The following EI24 variants were observed in gnomAD, a reference collection of about 807,000 sequenced individuals.
EI24 encodes EI24 autophagy associated transmembrane protein, also known as etoposide-induced protein 2.4 homolog.
Under a neutral mutation model 48.6 loss-of-function variants are expected in EI24, and 21 were observed. The observed-to-expected ratio is 0.43, with a 90% CI of 0.31 to 0.62. The LOEUF (loss-of-function observed/expected upper bound fraction) is 0.62. Among genes scored for constraint, EI24 ranks in the 20% least tolerant of loss-of-function variants. The pLI is 0.10. For missense variants in EI24, 280 were observed against 410.5 expected, an observed-to-expected ratio of 0.68 and a Z score of 2.75; for synonymous variants, 114 against 145.5, an observed-to-expected ratio of 0.78 and a Z score of 1.56.
intron 2 of EI24, among the ~76,000 whole-genome samples, chr11:125,574,221 C>T (rs1436170697): frequency 6.6e-6 from 1 of 151,706 alleles, no homozygotes; most frequent in African/African-American, 2.4e-5. Flanking sequence ...CCACTGCACT[C>T]CAGCCTGGGC....
intron 8 of EI24, among the ~76,000 whole-genome samples, 164 bp downstream of exon 8, chr11:125,580,368 C>T (rs1255762368): frequency 2.6e-5 from 4 of 152,210 alleles, no homozygotes; most frequent in African/African-American, 9.6e-5. Context: ...GTGGGTTTAA[C>T]TCTCAACTTT....
chr11:125,583,605 G>A lies in EI24; in HGVS notation c.945G>A (p.Leu315=). 6.2e-7 allele frequency: 1 copy of A among 1,613,240 alleles called. No homozygotes were observed. Among genetic ancestry groups the A allele is most frequent in the South Asian group, 1.1e-5 (1 of 91,006 alleles). ...FHKTVYLQSA[L]SSSTSAEKFP... ...AGACAGTCTACCTGCAGTCGGCCCT[G>A]AGCAGCTCTACTTCTGCAGAGAAGT... Residue 315 remains leucine, a synonymous_variant, in exon 11 of 11, where the codon CTG becomes CTA. Coordinates refer to ENST00000278903, the MANE Select transcript of EI24 (RefSeq NM_004879.5).
At chr11:125,575,951 G>A in intron 3 of EI24, 1 of 383,518 alleles carries the variant, frequency 2.6e-6, no homozygotes, top group South Asian at 2.1e-5. Flanking sequence ...ACCACGCCTG[G>A]CTAATTTTTT....
chr11:125,581,401 C>G, intron 9 of EI24, 79 bp downstream of exon 9: 1 of 857,080 alleles, frequency 1.2e-6, no homozygotes, highest in Non-Finnish European at 1.8e-6. Context: ...TTGCTTCGTT[C>G]TGTTTCGCAT....
intron 6 of EI24, among the ~76,000 whole-genome samples, chr11:125,578,480 C>CTTTTTTTTTTTTTT (rs370986926): frequency 1.5e-4 from 13 of 84,694 alleles, no homozygotes; most frequent in Non-Finnish European, 1.7e-4. Context: ...TTCGTTTTGG[C>CTTTTTTTTTTTTTT]TTTTTTTTTT....
chr11:125,575,151 C>T, intron 2 of EI24, 112 bp from the exon 3 acceptor site: 1 of 956,522 alleles, frequency 1.0e-6, no homozygotes, highest in Non-Finnish European at 1.5e-6. Context: ...CATTTGAACC[C>T]AGGAGTTGGA....
At chr11:125,577,673 C>T in intron 5 of EI24, 103 bp downstream of exon 5, 1 of 969,364 alleles carries the variant, frequency 1.0e-6, no homozygotes, top group Non-Finnish European at 1.5e-6. Flanking sequence ...GGAGCTTTCA[C>T]TGTTTATTTT....
rs1418744446 is a variant in EI24 at position 125,581,220 on chromosome 11, T to G, written c.683T>G (p.Met228Arg). ...GGCTTTCTTGTTTTAGGAATTGAAA[T>G]GCACCAGCGGTTGTCTAACATAGAA... ...EYRWFNKGIE[M>R]HQRLSNIERN... The change falls in exon 9 of 11, where the codon ATG becomes AGG. Residue 228 changes from methionine (M) to arginine (R), a missense_variant. Transcript: ENST00000278903. 6.2e-7 allele frequency: 1 copy of G among 1,609,770 alleles called. No homozygotes were observed.
chr11:125,570,484 A>ATTTATCCT (rs1748469198), intron 1 of EI24: 2 of 152,182 alleles, frequency 1.3e-5, no homozygotes, highest in Non-Finnish European at 2.9e-5. Flanking sequence ...AAGTGAAGTG[A>ATTTATCCT]TTTATCCTTC....
chr11:125,583,595 A>G lies in EI24; in HGVS notation c.935A>G (p.Gln312Arg). ...NRLFHKTVYL[Q>R]SALSSSTSAE... ...CTCTTCCACAAGACAGTCTACCTGC[A>G]GTCGGCCCTGAGCAGCTCTACTTCT... Residue 312 changes from glutamine (Q) to arginine (R), a missense_variant, in exon 11 of 11, where the codon CAG becomes CGG. Physicochemically the swap from Gln to Arg is conservative, Grantham distance 43. Around this residue, in one of 3 missense-constraint regions of EI24, gnomAD observed 62 missense variants for 65.1 expected, o/e 0.95. Coordinates refer to ENST00000278903, the MANE Select transcript of EI24 (RefSeq NM_004879.5). 2 of 1,613,090 alleles carry G rather than the reference A, an allele frequency of 1.2e-6. No homozygotes were observed. Among genetic ancestry groups the G allele is most frequent in the Non-Finnish European group, 1.7e-6 (2 of 1,179,784 alleles).
At chr11:125,575,998 C>A in intron 3 of EI24, 1 of 459,242 alleles carries the variant, frequency 2.2e-6, no homozygotes, top group Non-Finnish European at 4.0e-6. Context: ...GCCATGTTGG[C>A]CAGGCTGGTC....
chr11:125,580,239 C>G, intron 8 of EI24, 35 bp downstream of exon 8: 1 of 1,486,226 alleles, frequency 6.7e-7, no homozygotes, highest in Non-Finnish European at 9.4e-7. Context: ...AAAATGGAGG[C>G]CCAGTTTGGA....
intron 1 of EI24, chr11:125,569,902 G>C (rs1938471306): frequency 5.8e-6 from 1 of 173,742 alleles, no homozygotes. Context: ...AGATGGGCCT[G>C]AATGGACCCG....
chr11:125,572,861 G>T, intron 2 of EI24, among the ~76,000 whole-genome samples: 2 of 145,452 alleles, frequency 1.4e-5, no homozygotes, highest in East Asian at 2.0e-4. Context: ...TTTTATTTTG[G>T]AATGTGTTTA....
intron 9 of EI24, 91 bp from the exon 10 acceptor site, chr11:125,582,255 A>G: frequency 8.3e-7 from 1 of 1,202,398 alleles, no homozygotes; most frequent in Non-Finnish European, 1.1e-6. Context: ...TTTACACTGG[A>G]AGCAAAAGAA....
chr11:125,579,874 G>C lies in EI24; in HGVS notation c.562-219G>C, dbSNP rs1316846390. On this transcript the variant is annotated intron_variant, in intron 7 of 10. Transcript: ENST00000278903. ...AGACAGGGTCTCAGTATGTTGCCCA[G>C]TCTGGTCTTTAACTCTTGGCCTCAA... Among the ~76,000 whole-genome samples, 7 of 152,026 alleles carry C rather than the reference G, an allele frequency of 4.6e-5. No homozygotes were observed. In the East Asian group the frequency reaches 1.4e-3, roughly 29 times the overall value.
Position 125,583,522 on chromosome 11 carries a change from C to G in EI24, c.862C>G (p.Leu288Val). 6.4e-7 allele frequency: 1 copy of G among 1,570,746 alleles called. No individual in the cohort carries two copies. ...CAAGTTGGGTTTCTTGCCTTTTAGT[C>G]TCTTCCAGTTGCGCCTCTTCTCCTT... ...NEAKTPGKAYLFQLRLFSLVV... is the reference protein window; with the variant it reads ...NEAKTPGKAYVFQLRLFSLVV... Residue 288 changes from leucine to valine, a missense_variant and splice_region_variant, in exon 11 of 11, where the codon CTC becomes GTC. Around this residue, in one of 3 missense-constraint regions of EI24, gnomAD observed 62 missense variants for 65.1 expected, o/e 0.95. Transcript: ENST00000278903.
intron 2 of EI24, chr11:125,574,840 T>G (rs1938673438): frequency 1.3e-5 from 2 of 152,904 alleles, no homozygotes; most frequent in South Asian, 4.1e-4. Context: ...AAAAAAAACC[T>G]TTAATGTAAT....
chr11:125,573,482 A>C, intron 2 of EI24: 1 of 332,776 alleles, frequency 3.0e-6, no homozygotes, highest in Non-Finnish European at 6.2e-6. Flanking sequence ...GGTGGCTCAC[A>C]GCTGTAATCT....
Sources: gnomAD v4.1 joint callset for allele counts (sites outside exome capture counted in the v4.1 genomes callset) on GRCh38, gnomAD v4.1.1 for gene constraint, gnomAD v4.1.1 regional missense constraint, MANE v1.5 for transcripts, NCBI Gene and HGNC (gene_info 2026-07-23, HGNC 2026-07-21) for gene names.